ASTN2: variants seen among roughly 807,000 people sequenced by gnomAD.
ASTN2 encodes the protein astrotactin-2.
Under a neutral mutation model 139.8 loss-of-function variants are expected in ASTN2, and 54 were observed. That is an observed-to-expected ratio of 0.39 (90% CI 0.31 to 0.48). The LOEUF (loss-of-function observed/expected upper bound fraction) is 0.48. Ranked by LOEUF, ASTN2 falls within the 20% of genes least tolerant of loss-of-function variation. ASTN2 has a pLI of 0.95. For missense variants in ASTN2, 1,565 were observed against 1,725.1 expected (o/e 0.91, Z 1.64); for synonymous variants, 756 against 719.5 (o/e 1.05, Z -0.81).
At chr9:116,578,172 A>C (rs1197866699) in intron 19 of ASTN2, among the ~76,000 whole-genome samples, 1 of 152,180 alleles carries the variant, frequency 6.6e-6, no homozygotes, top group Non-Finnish European at 1.5e-5. Flanking sequence ...CAGAAGAGCA[A>C]TGATGAGGAC....
chr9:116,646,937 C>T (rs1857619555), intron 17 of ASTN2, among the ~76,000 whole-genome samples: 1 of 152,194 alleles, frequency 6.6e-6, no homozygotes, highest in Non-Finnish European at 1.5e-5. Context: ...CAGCTCCAGC[C>T]ACACTGGTTT....
chr9:117,192,231 G>A (rs1159098378), intron 3 of ASTN2, among the ~76,000 whole-genome samples: 1 of 152,138 alleles, frequency 6.6e-6, no homozygotes, highest in Non-Finnish European at 1.5e-5. Context: ...AAACGTCCAA[G>A]AGGAGGCACC....
chr9:116,497,924 T>C, intron 19 of ASTN2, among the ~76,000 whole-genome samples: 1 of 152,204 alleles, frequency 6.6e-6, no homozygotes, highest in East Asian at 1.9e-4. Flanking sequence ...TCCTATCAGA[T>C]TCTCAGTTCC....
intron 5 of ASTN2, among the ~76,000 whole-genome samples, chr9:117,059,561 C>T (rs942323635): frequency 9.9e-5 from 15 of 151,758 alleles, no homozygotes; most frequent in Admixed American, 2.0e-4. Context: ...TGCAGTGAGC[C>T]GAGATCATGC....
rs116158661 is a variant in ASTN2 at position 117,321,543 on chromosome 9, G to A, written c.443-30030C>T. Reference sequence around the variant, plus strand: ...TCCTAGTAAAAAATTCAGAGGAATGGAATCAAGTTATAAACACCATGAAAG... The same window carrying A: ...TCCTAGTAAAAAATTCAGAGGAATGAAATCAAGTTATAAACACCATGAAAG... On this transcript the variant is annotated intron_variant, in intron 1 of 22. Coordinates refer to ENST00000313400, the MANE Select transcript of ASTN2 (RefSeq NM_001365068.1). Among the ~76,000 whole-genome samples, 789 of 152,258 alleles carry A rather than the reference G, an allele frequency of 5.2e-3. 10 individuals carry two copies. The highest frequency in any genetic ancestry group is 0.018 in the African/African-American group (748 of 41,552).
At chr9:116,742,110 CATT>C (rs1384505326) in intron 13 of ASTN2, among the ~76,000 whole-genome samples, 1 of 152,208 alleles carries the variant, frequency 6.6e-6, no homozygotes, top group Non-Finnish European at 1.5e-5. Context: ...CAAGGTAAAT[CATT>C]GTTTTGAAAA....
intron 4 of ASTN2, among the ~76,000 whole-genome samples, chr9:117,129,359 G>A (rs375803749): frequency 8.5e-5 from 13 of 152,146 alleles, no homozygotes; most frequent in African/African-American, 3.1e-4. Context: ...TAAAATAAAC[G>A]ACTTTCAGAC....
At chr9:116,958,646 T>A (rs1835790208) in intron 10 of ASTN2, among the ~76,000 whole-genome samples, 1 of 152,078 alleles carries the variant, frequency 6.6e-6, no homozygotes, top group Admixed American at 6.6e-5. Flanking sequence ...AAGAGATGTT[T>A]AAACTGAGGC....
chr9:117,253,975 G>A (rs989188778), intron 2 of ASTN2, among the ~76,000 whole-genome samples: 1 of 152,158 alleles, frequency 6.6e-6, no homozygotes, highest in Non-Finnish European at 1.5e-5. Context: ...TCACAGGCCT[G>A]CCTACCTCCC....
Position 116,863,628 on chromosome 9 carries a change from G to A in ASTN2, c.1995C>T (p.Asn665=), listed in dbSNP as rs533604068. The stretch of plus-strand genomic sequence containing the variant: ...CCTGCCGGTCAGACACACACTTGAA[G>A]TTGCGAGTGCAGCCCCCATTGTTCC... ...CSRNNGGCTR[N]FKCVSDRQVD... The change falls in exon 11 of 23, where the codon AAC becomes AAT. Residue 665 remains asparagine (N), a synonymous_variant. Coordinates refer to ENST00000313400, the MANE Select transcript of ASTN2 (RefSeq NM_001365068.1). 1 of 1,614,194 alleles carries A rather than the reference G, an allele frequency of 6.2e-7. No individual in the cohort carries two copies. The highest frequency in any genetic ancestry group is 1.3e-5 in the African/African-American group (1 of 75,064).
intron 16 of ASTN2, among the ~76,000 whole-genome samples, chr9:116,686,410 T>C (rs1016409449): frequency 5.3e-5 from 8 of 152,230 alleles, no homozygotes; most frequent in Non-Finnish European, 1.0e-4. Context: ...TTTATCATTG[T>C]GCAGGGTCAC....
At chr9:116,578,816 TG>T (rs1196611633) in intron 19 of ASTN2, 1 of 152,172 alleles carries the variant, frequency 6.6e-6, no homozygotes, top group African/African-American at 2.4e-5. Context: ...AATACATTCT[TG>T]GATAAAGTTA....
intron 4 of ASTN2, among the ~76,000 whole-genome samples, chr9:117,102,182 A>G (rs1828995013): frequency 6.6e-6 from 1 of 152,250 alleles, no homozygotes; most frequent in East Asian, 1.9e-4. Context: ...GTATATAGAC[A>G]TAGAATATTA....
chr9:116,946,160 G>A (rs550294219), intron 10 of ASTN2, among the ~76,000 whole-genome samples: 9 of 152,212 alleles, frequency 5.9e-5, no homozygotes, highest in Non-Finnish European at 8.8e-5. Flanking sequence ...TGACACTTGG[G>A]GATTACAATT....
chr9:117,023,355 CTG>C (rs1388591978), intron 6 of ASTN2, among the ~76,000 whole-genome samples: 2 of 152,156 alleles, frequency 1.3e-5, no homozygotes, highest in African/African-American at 4.8e-5. Context: ...ATGGTTTTGA[CTG>C]TGTTGTTTCC....
intron 12 of ASTN2, among the ~76,000 whole-genome samples, chr9:116,809,670 T>A (rs1831114436): frequency 6.6e-6 from 1 of 152,212 alleles, no homozygotes; most frequent in Admixed American, 6.5e-5. Flanking sequence ...TAAACTAAAT[T>A]GGGGGAAGAT....
intron 11 of ASTN2, among the ~76,000 whole-genome samples, chr9:116,848,884 C>T (rs538157724): frequency 1.3e-5 from 2 of 152,266 alleles, no homozygotes; most frequent in East Asian, 3.9e-4. Flanking sequence ...AGTACTCAGT[C>T]CCATAAGACT....
intron 3 of ASTN2, among the ~76,000 whole-genome samples, chr9:117,162,298 G>A (rs760924046): frequency 3.3e-5 from 5 of 152,022 alleles, no homozygotes; most frequent in Non-Finnish European, 5.9e-5. Context: ...GTAGAGAGAA[G>A]GGTTCTCTCA....
intron 1 of ASTN2, among the ~76,000 whole-genome samples, chr9:117,313,469 G>A (rs145137570): frequency 3.0e-4 from 45 of 152,290 alleles, no homozygotes; most frequent in African/African-American, 1.1e-3. Flanking sequence ...ACATGACAGA[G>A]AGGTGGCGCA....
Sources: gnomAD v4.1 joint callset for allele counts (sites outside exome capture counted in the v4.1 genomes callset) on GRCh38, gnomAD v4.1.1 for gene constraint, MANE v1.5 for transcripts, NCBI Gene and HGNC (gene_info 2026-07-23, HGNC 2026-07-21) for gene names.